KCNMB2: variants seen among roughly 807,000 people sequenced by gnomAD.
KCNMB2 encodes potassium calcium-activated channel subfamily M regulatory beta subunit 2, also known as calcium-activated potassium channel subunit beta-2.
Under a neutral mutation model 24.5 loss-of-function variants are expected in KCNMB2, and 9 were observed. The observed-to-expected ratio is 0.37, with a 90% CI of 0.22 to 0.64. The LOEUF is 0.64. Among genes scored for constraint, KCNMB2 ranks in the 30% least tolerant of loss-of-function variants. The pLI is 0.63. For synonymous variants in KCNMB2, 109 were observed against 104.4 expected, an observed-to-expected ratio of 1.04 and a Z score of -0.27; for missense variants, 226 against 284.3, an observed-to-expected ratio of 0.79 and a Z score of 1.47.
At chr3:178,759,359 A>C (rs924236157) in intron 1 of KCNMB2, among the ~76,000 whole-genome samples, 75 of 65,988 alleles carry the variant, frequency 1.1e-3, no homozygotes, top group Non-Finnish European at 1.8e-3. Flanking sequence ...ATATATATAT[A>C]TATCTCCAAG....
At chr3:178,630,987 C>T (rs371769818) in intron 1 of KCNMB2, among the ~76,000 whole-genome samples, 22 of 152,066 alleles carry the variant, frequency 1.4e-4, no homozygotes, top group African/African-American at 3.9e-4. Context: ...TCAGTAGTTT[C>T]GAATATGTTA....
In KCNMB2 at chr3:178,714,769, A is replaced by G. The variant is rs535546135; in HGVS notation, c.-67-92574A>G. Among the ~76,000 whole-genome samples the G allele has an allele frequency of 1.1e-4, 17 of 152,208 alleles. 1 individual carries two copies. In the South Asian group the frequency reaches 3.3e-3, roughly 30 times the overall value. ...CTCAGGGTCATTTTGGGAAAATCTA[A>G]TGTTCGTCAGCCGTTGGCAAAGCTT... On this transcript the variant is annotated intron_variant, in intron 1 of 4. Coordinates refer to ENST00000452583, the MANE Select transcript of KCNMB2 (RefSeq NM_181361.3).
At chr3:178,759,644 T>TACATATATCTCTCTCCAAGAGGG (rs1560009370) in intron 1 of KCNMB2, among the ~76,000 whole-genome samples, 1 of 113,982 alleles carries the variant, frequency 8.8e-6, no homozygotes, top group African/African-American at 3.3e-5. Context: ...AGGATATATA[T>TACATATATCTCTCTCCAAGAGGG]ATATATATCT....
intron 3 of KCNMB2, among the ~76,000 whole-genome samples, chr3:178,826,397 T>C (rs1714836182): frequency 6.6e-6 from 1 of 152,230 alleles, no homozygotes; most frequent in Admixed American, 6.5e-5. Flanking sequence ...TGAGAAACAC[T>C]GCTATGCATC....
At chr3:178,822,153 C>T (rs1256835041) in intron 2 of KCNMB2, among the ~76,000 whole-genome samples, 3 of 152,220 alleles carry the variant, frequency 2.0e-5, no homozygotes, top group Non-Finnish European at 4.4e-5. Flanking sequence ...CCATAGGCAT[C>T]TCAGTAATAT....
At chr3:178,823,924 G>T (rs1273343187) in intron 2 of KCNMB2, among the ~76,000 whole-genome samples, 1 of 148,180 alleles carries the variant, frequency 6.7e-6, no homozygotes, top group Non-Finnish European at 1.5e-5. Flanking sequence ...AAAAAAAAAT[G>T]ACTTCAGTTT....
At chr3:178,576,165 T>A (rs1424766773) in intron 1 of KCNMB2, among the ~76,000 whole-genome samples, 1 of 151,662 alleles carries the variant, frequency 6.6e-6, no homozygotes, top group Non-Finnish European at 1.5e-5. Context: ...TCATTGGGAC[T>A]GGTTAGATAG....
chr3:178,586,890 G>T (rs1717461654), intron 1 of KCNMB2, among the ~76,000 whole-genome samples: 1 of 152,088 alleles, frequency 6.6e-6, no homozygotes, highest in Non-Finnish European at 1.5e-5. Flanking sequence ...TTGATGTCAA[G>T]ATTATAAAAC....
chr3:178,543,812 A>C (rs1243179361), intron 1 of KCNMB2, among the ~76,000 whole-genome samples: 3 of 152,204 alleles, frequency 2.0e-5, no homozygotes, highest in Admixed American at 6.5e-5. Flanking sequence ...AAAAGTGTGT[A>C]TGTGTCACTG....
At chr3:178,769,515 A>G (rs933546848) in intron 1 of KCNMB2, among the ~76,000 whole-genome samples, 11 of 152,194 alleles carry the variant, frequency 7.2e-5, no homozygotes, top group South Asian at 6.2e-4. Context: ...AAAGAATCCT[A>G]CCAGTAAGGT....
intron 1 of KCNMB2, among the ~76,000 whole-genome samples, chr3:178,758,647 G>GATAT (rs1314543803): frequency 1.8e-4 from 8 of 44,380 alleles, no homozygotes; most frequent in Non-Finnish European, 2.6e-4. Flanking sequence ...TCTCCAAGAG[G>GATAT]ATATATATAT....
intron 2 of KCNMB2, among the ~76,000 whole-genome samples, chr3:178,817,585 A>T (rs1714459529): frequency 6.6e-6 from 1 of 152,118 alleles, no homozygotes; most frequent in South Asian, 2.1e-4. Context: ...TCAGCAATCC[A>T]TTGCCTCATA....
intron 1 of KCNMB2, among the ~76,000 whole-genome samples, chr3:178,670,308 T>TG (rs930470864): frequency 1.3e-5 from 2 of 152,074 alleles, no homozygotes; most frequent in African/African-American, 4.8e-5. Flanking sequence ...CTCTGGGCTC[T>TG]ACCCACTAGA....
intron 1 of KCNMB2, among the ~76,000 whole-genome samples, chr3:178,618,250 A>G (rs1718784576): frequency 6.6e-6 from 1 of 152,182 alleles, no homozygotes; most frequent in South Asian, 2.1e-4. Flanking sequence ...CCTTCTAGTT[A>G]TTACCATTAA....
At chr3:178,592,809 T>G in intron 1 of KCNMB2, among the ~76,000 whole-genome samples, 1 of 152,116 alleles carries the variant, frequency 6.6e-6, no homozygotes, top group East Asian at 1.9e-4. Flanking sequence ...TGAAGGTTTC[T>G]ATGGAATCAG....
At position 178,631,483 on chromosome 3, in the gene KCNMB2, C is replaced by A. The variant is rs77030272; in HGVS notation, c.-68+94772C>A. On this transcript the variant is annotated intron_variant, in intron 1 of 4. Transcript: ENST00000452583. ...CAAAACTACTCAGCTTCCGCCTATG[C>A]GGCTGGCATTCCTTAATTCCCTTTT... Among the ~76,000 whole-genome samples, 85 of 152,378 alleles carry A rather than the reference C, an allele frequency of 5.6e-4. 1 individual carries two copies. In the East Asian group the frequency reaches 8.7e-3, roughly 16 times the overall value.
At chr3:178,671,886 T>A (rs1720911477) in intron 1 of KCNMB2, among the ~76,000 whole-genome samples, 1 of 152,226 alleles carries the variant, frequency 6.6e-6, no homozygotes, top group East Asian at 1.9e-4. Flanking sequence ...GCAACACTTT[T>A]CAGTTCGTTG....
chr3:178,647,037 G>A (rs1329607101), intron 1 of KCNMB2, among the ~76,000 whole-genome samples: 1 of 152,150 alleles, frequency 6.6e-6, no homozygotes, highest in Non-Finnish European at 1.5e-5. Context: ...CAGCTATGAA[G>A]TATGTTTATA....
At chr3:178,833,150 T>A (rs186756307) in intron 4 of KCNMB2, among the ~76,000 whole-genome samples, 8 of 152,282 alleles carry the variant, frequency 5.3e-5, no homozygotes, top group African/African-American at 1.4e-4. Flanking sequence ...GAAGTCCCTA[T>A]GAGGACCTAT....
Sources: allele counts gnomAD v4.1 joint callset (sites outside exome capture counted in the v4.1 genomes callset), GRCh38; gene constraint gnomAD v4.1.1; transcripts MANE v1.5; gene names NCBI Gene and HGNC (gene_info 2026-07-23, HGNC 2026-07-21).